LRRFIP1: variants seen among roughly 807,000 people sequenced by gnomAD.
The protein encoded by LRRFIP1 is leucine-rich repeat flightless-interacting protein 1.
Under a neutral mutation model 104.4 loss-of-function variants are expected in LRRFIP1, and 62 were observed. The observed-to-expected ratio is 0.59, with a 90% confidence interval of 0.48 to 0.73. The LOEUF is 0.73. Ranked by LOEUF, LRRFIP1 falls within the 30% of genes least tolerant of loss-of-function variation. The probability of loss-of-function intolerance (pLI) is 0.00; values close to 1 mark genes in which losing one functional copy is unlikely to be tolerated. For missense variants in LRRFIP1, 796 were observed against 824.5 expected (o/e 0.97, Z 0.42); for synonymous variants, 300 against 299.0 (o/e 1.00, Z -0.03).
chr2:237,676,373 A>G (rs2091163565), intron 1 of LRRFIP1, among the ~76,000 whole-genome samples: 1 of 152,160 alleles, frequency 6.6e-6, no homozygotes, highest in Non-Finnish European at 1.5e-5. Flanking sequence ...GTTGAATCCC[A>G]TGTTGCCGGT....
intron 1 of LRRFIP1, among the ~76,000 whole-genome samples, chr2:237,702,351 C>T (rs1481038095): frequency 6.6e-6 from 1 of 152,116 alleles, no homozygotes; most frequent in Non-Finnish European, 1.5e-5. Context: ...TGCTGTAAGA[C>T]CTAGTTCCTG....
chr2:237,771,567 C>CCCCCCG (rs2060647765), intron 20 of LRRFIP1, among the ~76,000 whole-genome samples: 1 of 88,276 alleles, frequency 1.1e-5, no homozygotes, highest in African/African-American at 5.8e-5. Context: ...CCCCCCCCCG[C>CCCCCCG]CCAGATACCA....
At chr2:237,767,233 G>T (rs2060302238) in intron 19 of LRRFIP1, among the ~76,000 whole-genome samples, 1 of 152,056 alleles carries the variant, frequency 6.6e-6, no homozygotes, top group African/African-American at 2.4e-5. Context: ...ATATAAGAAG[G>T]TATAGAAATA....
chr2:237,773,325 G>C (rs547768969), intron 22 of LRRFIP1, among the ~76,000 whole-genome samples: 20 of 152,276 alleles, frequency 1.3e-4, no homozygotes, highest in Non-Finnish European at 1.9e-4. Flanking sequence ...ATCACTGAAG[G>C]TCGAGAGTTC....
chr2:237,749,870 T>G (rs1215042420), intron 13 of LRRFIP1, among the ~76,000 whole-genome samples: 5 of 152,182 alleles, frequency 3.3e-5, no homozygotes, highest in Non-Finnish European at 7.3e-5. Context: ...CCCAGGACAG[T>G]GCCAGGCATT....
At chr2:237,648,195 G>A (rs552272673) in intron 1 of LRRFIP1, among the ~76,000 whole-genome samples, 9 of 116,454 alleles carry the variant, frequency 7.7e-5, no homozygotes, top group African/African-American at 1.8e-4. Flanking sequence ...CTGTGGACCC[G>A]GCAGCCCTGA....
chr2:237,708,462 C>A lies in LRRFIP1; in HGVS notation c.97-82C>A, dbSNP rs1191331384. On this transcript the variant is annotated intron_variant, in intron 1 of 23. Transcript: ENST00000308482. Reference sequence around the variant, plus strand: ...TCTGTTAAACTCTGAACAAGATTTTCTTTCCGCATCATCACTGCTGACCCT... The same window carrying A: ...TCTGTTAAACTCTGAACAAGATTTTATTTCCGCATCATCACTGCTGACCCT... 3 of 1,021,156 alleles carry A rather than the reference C, an allele frequency of 2.9e-6. No individual in the cohort carries two copies. In the East Asian group the frequency reaches 7.8e-5, roughly 26 times the overall value. The allele number at this position is 1,021,156 out of a possible 1,614,324, so 63.3% of individuals were successfully genotyped here.
chr2:237,763,944 C>G (rs774352864), intron 19 of LRRFIP1: 1 of 1,614,198 alleles, frequency 6.2e-7, no homozygotes, highest in East Asian at 2.2e-5. Context: ...GCCTGTGAAG[C>G]AGAAAGTACA....
At position 237,627,791 on chromosome 2, in the gene LRRFIP1, G is replaced by T. The variant is rs1209414284; in HGVS notation, c.96+51G>T. ...GGGGCGCCGGGCGGGCGCGGGGGCC[G>T]GACGGCTGTCAGGGTCTCTCCGGCG... On this transcript the variant is annotated intron_variant, in intron 1 of 23. Transcript: ENST00000308482. 5.4e-6 allele frequency: 6 copies of T among 1,107,006 alleles called. No individual in the cohort carries two copies. The South Asian group carries it at 1.6e-4, about 30-fold the overall frequency. The allele number at this position is 1,107,006 out of a possible 1,614,324, so 68.6% of individuals were successfully genotyped here. A position where few individuals can be genotyped will look rare whatever the true frequency, so the allele number is the denominator to read the frequency against.
At chr2:237,740,250 A>T (rs934458736) in intron 11 of LRRFIP1, among the ~76,000 whole-genome samples, 1 of 121,882 alleles carries the variant, frequency 8.2e-6, no homozygotes, top group African/African-American at 3.2e-5. Context: ...TCTAAACAGT[A>T]AAAAAAAAAA....
At position 237,743,452 on chromosome 2, in the gene LRRFIP1, C is replaced by T. The variant is rs79166727; in HGVS notation, c.633+4143C>T. ...TCCACCCACTTGGTCCTCCCAGGGT[C>T]CTTGGGAAAGCAGAGAGGGCATCAG... On this transcript the variant is annotated intron_variant, in intron 11 of 23. Transcript: ENST00000308482. Among the ~76,000 whole-genome samples, 823 of 152,330 alleles carry T rather than the reference C, an allele frequency of 5.4e-3. 7 individuals carry two copies. Among genetic ancestry groups the T allele is most frequent in the African/African-American group, 0.019 (781 of 41,576 alleles).
intron 1 of LRRFIP1, among the ~76,000 whole-genome samples, chr2:237,645,697 T>G (rs2084792818): frequency 6.6e-6 from 1 of 152,084 alleles, no homozygotes; most frequent in Non-Finnish European, 1.5e-5. Context: ...TTCTTCATCC[T>G]AACTCAATGT....
At chr2:237,746,720 G>C (rs3754719) in intron 11 of LRRFIP1, among the ~76,000 whole-genome samples, 1 of 152,302 alleles carries the variant, frequency 6.6e-6, no homozygotes, top group South Asian at 2.1e-4. Flanking sequence ...TCTTCACTGC[G>C]GTATAGCTGG....
chr2:237,777,390 G>C (rs1438748939), intron 23 of LRRFIP1, among the ~76,000 whole-genome samples: 2 of 152,222 alleles, frequency 1.3e-5, no homozygotes, highest in East Asian at 3.9e-4. Context: ...TTCTTTTAGA[G>C]CAGACTTCTT....
rs1485858006 is a variant in LRRFIP1, at chr2:237,685,104, A to C, written c.97-23440A>C. On this transcript the variant is annotated intron_variant, in intron 1 of 23. Coordinates refer to ENST00000308482, the MANE Select transcript of LRRFIP1 (RefSeq NM_001137550.2). ...CAACAGTGTGAGACCTTGTCTCCCTACCCTCCCCCCCCCACACAAAAAAAC... is the reference window on the plus strand; with the variant it reads ...CAACAGTGTGAGACCTTGTCTCCCTCCCCTCCCCCCCCCACACAAAAAAAC... 4.6e-4 allele frequency among the ~76,000 whole-genome samples: 8 copies of C among 17,350 alleles called. 1 individual carries two copies. The highest frequency in any genetic ancestry group is 1.4e-3 in the African/African-American group (7 of 5,162). The allele number at this position is 17,350 out of a possible 152,430, so 11.4% of individuals were successfully genotyped here.
Position 237,774,338 on chromosome 2 carries a change from GT to G in LRRFIP1, c.1708-12del. 8 of 1,470,968 alleles carry G rather than the reference GT, an allele frequency of 5.4e-6. No homozygotes were observed. Among genetic ancestry groups the G allele is most frequent in the Admixed American group, 1.8e-5 (1 of 56,024 alleles). 91.1% of individuals were successfully genotyped at this position (1,470,968 alleles called of 1,614,324 possible). ...ACAGGCTTATCAATTTATACATATG[GT>G]TTTTTTTCTACCTTTTAGGTAATAA... On this transcript the variant is annotated intron_variant, in intron 22 of 23. Transcript: ENST00000308482.
chr2:237,763,256 A>G lies in LRRFIP1; in HGVS notation c.1459+3051A>G, dbSNP rs745926152. 3.1e-6 allele frequency: 5 copies of G among 1,614,208 alleles called. No homozygotes were observed. In the Admixed American group the frequency reaches 8.3e-5, roughly 27 times the overall value. ...AGGATTAAGGGACGAGAAACCAATC[A>G]AGACAGAAGTTCCTGGTTCTCCAGC... On this transcript the variant is annotated intron_variant, in intron 19 of 23. Coordinates refer to ENST00000308482, the MANE Select transcript of LRRFIP1 (RefSeq NM_001137550.2).
At chr2:237,700,402 A>T (rs2093449473) in intron 1 of LRRFIP1, among the ~76,000 whole-genome samples, 1 of 152,184 alleles carries the variant, frequency 6.6e-6, no homozygotes, top group Non-Finnish European at 1.5e-5. Context: ...TGTCACATTC[A>T]CGTGAGTGAA....
chr2:237,662,557 A>T lies in LRRFIP1; in HGVS notation c.96+34817A>T, dbSNP rs533380848. Among the ~76,000 whole-genome samples the T allele has an allele frequency of 2.0e-5, 3 of 151,382 alleles. No homozygotes were observed. The East Asian group carries it at 5.8e-4, about 29-fold the overall frequency. On this transcript the variant is annotated intron_variant, in intron 1 of 23. Coordinates refer to ENST00000308482, the MANE Select transcript of LRRFIP1 (RefSeq NM_001137550.2). ...ATGTATTTTTTTTCTTTCTCTTAGG[A>T]TTTGAAGATATATAACAATATGTCA...
Sources: gnomAD v4.1 joint callset for allele counts (sites outside exome capture counted in the v4.1 genomes callset) on GRCh38, gnomAD v4.1.1 for gene constraint, MANE v1.5 for transcripts, NCBI Gene and HGNC (gene_info 2026-07-23, HGNC 2026-07-21) for gene names.